Variants in CHST11 observed in about 807,000 individuals in gnomAD.
The protein encoded by CHST11 is C4S-1.
In CHST11, 9 loss-of-function variants were observed where a neutral mutation model predicts 30.4. The observed-to-expected ratio is 0.30, with a 90% CI of 0.18 to 0.52. The LOEUF is 0.52. Among genes scored for constraint, CHST11 ranks in the 20% least tolerant of loss-of-function variants. CHST11 has a pLI of 0.97. For missense variants in CHST11, 348 were observed against 460.6 expected, an observed-to-expected ratio of 0.76 and a Z score of 2.24; for synonymous variants, 152 against 187.8, an observed-to-expected ratio of 0.81 and a Z score of 1.56.
chr12:104,489,668 T>C (rs1447675629), intron 1 of CHST11, among the ~76,000 whole-genome samples: 1 of 151,472 alleles, frequency 6.6e-6, no homozygotes, highest in Non-Finnish European at 1.5e-5. Flanking sequence ...TGGTAGAGAG[T>C]TGGCCAGGAT....
intron 1 of CHST11, among the ~76,000 whole-genome samples, chr12:104,461,722 C>T (rs1029639303): frequency 1.3e-5 from 2 of 152,108 alleles, no homozygotes; most frequent in Admixed American, 6.5e-5. Flanking sequence ...TTCTTTGCCT[C>T]GGTTGAATGT....
At chr12:104,689,018 A>T (rs922462872) in intron 2 of CHST11, among the ~76,000 whole-genome samples, 2 of 152,282 alleles carry the variant, frequency 1.3e-5, no homozygotes, top group East Asian at 1.9e-4. Context: ...TAATATAAGT[A>T]TTATATGATA....
At chr12:104,608,065 C>A (rs889105352) in intron 2 of CHST11, among the ~76,000 whole-genome samples, 2 of 152,048 alleles carry the variant, frequency 1.3e-5, no homozygotes, top group South Asian at 4.1e-4. Context: ...TCACTGCTGG[C>A]GATTCTGATT....
Position 104,757,608 on chromosome 12 carries a change from CG to C in CHST11, c.865del (p.Val289SerfsTer11), listed in dbSNP as rs752958032. On this transcript the variant is annotated frameshift_variant, in exon 3 of 3. Coordinates refer to ENST00000303694, the MANE Select transcript of CHST11 (RefSeq NM_018413.6). LOFTEE classifies it high-confidence loss of function. The surrounding 1 kb of genome is among the most constrained non-coding windows in gnomAD (Gnocchi z 6.5). Reference sequence around the variant, plus strand: ...AGACACTGGAAGAGGATTCTAATTACGTCCTGCAGCTGGCAGGAGTGGGCAG... The same window carrying C: ...AGACACTGGAAGAGGATTCTAATTACTCCTGCAGCTGGCAGGAGTGGGCAG... The part of the protein sequence containing the change: ...YETLEEDSNY[V>X]LQLAGVGSYL... 10 of 1,614,144 alleles carry C rather than the reference CG, an allele frequency of 6.2e-6. No individual in the cohort carries two copies. Among genetic ancestry groups the C allele is most frequent in the Non-Finnish European group, 8.5e-6 (10 of 1,180,012 alleles).
rs2463018 is a variant in CHST11, at chr12:104,759,219, T to C, written c.*1416T>C. The C allele has an allele frequency of 0.74, 112,100 of 152,152 alleles. 41,862 individuals are homozygous for C. The highest frequency in any genetic ancestry group is 0.86 in the African/African-American group (35,634 of 41,528). The allele number at this position is 152,152 out of a possible 1,614,324, so 9.4% of individuals were successfully genotyped here. ...TCACGTCCTCCAGAGGCTGAAAGAC[T>C]ATCAGCATCTTGGTAACTGCCATGC... is the stretch of plus-strand genomic sequence containing the variant. On this transcript the variant is annotated 3_prime_UTR_variant, in exon 3 of 3. Coordinates refer to ENST00000303694, the MANE Select transcript of CHST11 (RefSeq NM_018413.6).
chr12:104,469,738 C>G (rs578236663), intron 1 of CHST11, among the ~76,000 whole-genome samples: 10 of 152,274 alleles, frequency 6.6e-5, no homozygotes, highest in Admixed American at 5.9e-4. Flanking sequence ...TTCCTCCCTT[C>G]TTCACCAGAC....
intron 2 of CHST11, among the ~76,000 whole-genome samples, chr12:104,708,908 A>T (rs2040060733): frequency 6.6e-6 from 1 of 152,182 alleles, no homozygotes. Flanking sequence ...TCACCTTAGT[A>T]GCTTCATAGA....
intron 1 of CHST11, among the ~76,000 whole-genome samples, chr12:104,551,811 G>A (rs762453032): frequency 2.6e-5 from 4 of 152,098 alleles, no homozygotes; most frequent in South Asian, 4.1e-4. Flanking sequence ...GTTGGGCGAC[G>A]TAGGTGTGGG....
At chr12:104,560,600 C>A (rs551145465) in intron 1 of CHST11, among the ~76,000 whole-genome samples, 1 of 152,296 alleles carries the variant, frequency 6.6e-6, no homozygotes, top group South Asian at 2.1e-4. Context: ...AGAAAAGGCA[C>A]AAGACTTGAA....
intron 2 of CHST11, among the ~76,000 whole-genome samples, chr12:104,682,325 C>A (rs2039805245): frequency 6.6e-6 from 1 of 152,114 alleles, no homozygotes; most frequent in Non-Finnish European, 1.5e-5. Context: ...TCTGAGCATG[C>A]CGTTGAGGAA....
intron 2 of CHST11, among the ~76,000 whole-genome samples, chr12:104,625,202 G>A (rs2039200770): frequency 6.6e-6 from 1 of 152,206 alleles, no homozygotes; most frequent in Admixed American, 6.5e-5. Context: ...TGCCAAACTG[G>A]AGATGCCCCA....
chr12:104,673,455 C>T (rs1232998831), intron 2 of CHST11, among the ~76,000 whole-genome samples: 1 of 152,196 alleles, frequency 6.6e-6, no homozygotes, highest in East Asian at 1.9e-4. Flanking sequence ...GTAACTTACC[C>T]TCTTTGGGCC....
At chr12:104,750,984 CTG>C (rs955381056) in intron 2 of CHST11, among the ~76,000 whole-genome samples, 1 of 152,098 alleles carries the variant, frequency 6.6e-6, no homozygotes, top group Admixed American at 6.5e-5. Context: ...TGAGGGGAAA[CTG>C]TGTGTGCCTT....
chr12:104,752,509 T>TTTAAC (rs2040441210), intron 2 of CHST11, among the ~76,000 whole-genome samples: 1 of 17,124 alleles, frequency 5.8e-5, no homozygotes, highest in Admixed American at 5.1e-4. Context: ...TATTTACTTA[T>TTTAAC]TTATTTATTT....
At chr12:104,594,243 G>A (rs569436545) in intron 1 of CHST11, among the ~76,000 whole-genome samples, 5 of 150,824 alleles carry the variant, frequency 3.3e-5, no homozygotes, top group Admixed American at 2.0e-4. Flanking sequence ...CCCCACACTG[G>A]GCCCAGTATT....
intron 1 of CHST11, among the ~76,000 whole-genome samples, chr12:104,495,414 C>T (rs964937893): frequency 6.6e-6 from 1 of 152,104 alleles, no homozygotes; most frequent in East Asian, 1.9e-4. Flanking sequence ...CCACAGTGGT[C>T]GTGCCATTTT....
intron 2 of CHST11, among the ~76,000 whole-genome samples, chr12:104,625,054 C>G (rs2136063260): frequency 6.6e-6 from 1 of 152,310 alleles, no homozygotes; most frequent in South Asian, 2.1e-4. Flanking sequence ...CTTCAACATA[C>G]AAATTTTGGG....
At chr12:104,650,304 A>G (rs2039478164) in intron 2 of CHST11, among the ~76,000 whole-genome samples, 1 of 152,148 alleles carries the variant, frequency 6.6e-6, no homozygotes, top group Non-Finnish European at 1.5e-5. Flanking sequence ...ACAGTCTCCA[A>G]AGACTTTGGC....
At chr12:104,727,372 A>G (rs1023832976) in intron 2 of CHST11, among the ~76,000 whole-genome samples, 11 of 152,334 alleles carry the variant, frequency 7.2e-5, no homozygotes, top group Admixed American at 1.3e-4. Flanking sequence ...GAAGTTGGCC[A>G]TCTGCTCAGG....
Sources: allele counts gnomAD v4.1 joint callset (sites outside exome capture counted in the v4.1 genomes callset), GRCh38; gene constraint gnomAD v4.1.1; non-coding constraint Gnocchi (gnomAD v3.1); transcripts MANE v1.5; gene names NCBI Gene and HGNC (gene_info 2026-07-23, HGNC 2026-07-21).